The following DEUP1 variants were observed in gnomAD, a reference collection of about 807,000 sequenced individuals.
DEUP1 encodes coiled-coil domain containing 67.
In DEUP1, 82 loss-of-function variants were observed where a neutral mutation model predicts 87.4. The ratio of observed to expected loss-of-function variants is 0.94; its 90% CI spans 0.78 to 1.13. DEUP1 has a LOEUF of 1.13. Among genes scored for constraint, DEUP1 ranks in the 50% most tolerant of loss-of-function variants. The pLI is 0.00. For synonymous variants in DEUP1, 214 were observed against 222.7 expected, an observed-to-expected ratio of 0.96 and a Z score of 0.35; for missense variants, 663 against 681.5, an observed-to-expected ratio of 0.97 and a Z score of 0.30.
At chr11:93,374,402 AT>A (rs2134281616) in intron 7 of DEUP1, among the ~76,000 whole-genome samples, 1 of 152,226 alleles carries the variant, frequency 6.6e-6, no homozygotes, top group African/African-American at 2.4e-5. Flanking sequence ...TAGAATCTTT[AT>A]GGTTTCAGGT....
At chr11:93,433,058 T>C (rs1317649160) in intron 13 of DEUP1, among the ~76,000 whole-genome samples, 3 of 152,234 alleles carry the variant, frequency 2.0e-5, no homozygotes, top group Admixed American at 2.0e-4. Context: ...CAGACCTATA[T>C]TCTGAGTCCT....
chr11:93,370,017 T>C (rs1565312882), intron 5 of DEUP1, 56 bp from the exon 6 acceptor site: 1 of 846,090 alleles, frequency 1.2e-6, no homozygotes, highest in African/African-American at 1.7e-5. Context: ...CCTTATTTGC[T>C]GTACTTTAAA....
At chr11:93,333,606 T>C (rs907165360) in intron 2 of DEUP1, among the ~76,000 whole-genome samples, 6 of 152,216 alleles carry the variant, frequency 3.9e-5, no homozygotes, top group African/African-American at 1.4e-4. Flanking sequence ...TTAGAAGTTC[T>C]AGAACAAAGG....
intron 5 of DEUP1, among the ~76,000 whole-genome samples, chr11:93,368,656 G>T (rs1372293104): frequency 6.6e-6 from 1 of 152,200 alleles, no homozygotes; most frequent in African/African-American, 2.4e-5. Flanking sequence ...AAACCACCAG[G>T]CTGGGCGCAG....
chr11:93,359,431 T>A (rs1945058212), intron 4 of DEUP1, among the ~76,000 whole-genome samples: 1 of 152,152 alleles, frequency 6.6e-6, no homozygotes, highest in South Asian at 2.1e-4. Context: ...ATAGATATAC[T>A]CTTCCCTATC....
In DEUP1 at chr11:93,408,546, G is replaced by A. The variant is rs1947348155; in HGVS notation, c.1523+119G>A. On this transcript the variant is annotated intron_variant, in intron 12 of 13. Transcript: ENST00000298050. The stretch of plus-strand genomic sequence containing the variant: ...TCTTCTGTGGTTTAAAATTTATAAT[G>A]ATAATGCAGTAGATGAGTAGATAAT... 8 of 656,548 alleles carry A rather than the reference G, an allele frequency of 1.2e-5. No individual in the cohort carries two copies. In the South Asian group the frequency reaches 1.9e-4, roughly 15 times the overall value. 40.7% of individuals were successfully genotyped at this position (656,548 alleles called of 1,614,324 possible).
At chr11:93,371,652 G>C (rs1014153586) in intron 7 of DEUP1, among the ~76,000 whole-genome samples, 1 of 152,014 alleles carries the variant, frequency 6.6e-6, no homozygotes, top group Non-Finnish European at 1.5e-5. Context: ...AATCGTGAAG[G>C]GTTCAACAAT....
At chr11:93,420,515 C>T (rs1365551211) in intron 13 of DEUP1, among the ~76,000 whole-genome samples, 6 of 148,828 alleles carry the variant, frequency 4.0e-5, no homozygotes, top group Admixed American at 6.7e-5. Flanking sequence ...GACAGGGATG[C>T]CCTCTCTCAC....
chr11:93,350,704 C>T (rs541599467), intron 2 of DEUP1, among the ~76,000 whole-genome samples: 64 of 152,082 alleles, frequency 4.2e-4, no homozygotes, highest in Non-Finnish European at 7.4e-4. Flanking sequence ...AACCCCAGCA[C>T]TTTGGGAGGC....
chr11:93,428,912 G>C (rs1193240348), intron 13 of DEUP1, among the ~76,000 whole-genome samples: 1 of 152,030 alleles, frequency 6.6e-6, no homozygotes, highest in Non-Finnish European at 1.5e-5. Flanking sequence ...TTTAAATTTA[G>C]CTATTATGGT....
rs559299073 is a variant in DEUP1, at chr11:93,433,017, A to G, written c.1639-4526A>G. ...TTTCAGTCAATCTCATGGCCTTGTC[A>G]TCTATAACTTCCAAGTCTGTCTCTC... is the stretch of plus-strand genomic sequence containing the variant. On this transcript the variant is annotated intron_variant, in intron 13 of 13. Transcript: ENST00000298050. 4.6e-5 allele frequency among the ~76,000 whole-genome samples: 7 copies of G among 152,154 alleles called. No homozygotes were observed. The East Asian group carries it at 1.2e-3, about 25-fold the overall frequency.
intron 8 of DEUP1, among the ~76,000 whole-genome samples, chr11:93,385,949 A>T (rs1946525413): frequency 6.6e-6 from 1 of 151,930 alleles, no homozygotes; most frequent in Admixed American, 6.6e-5. Context: ...TCTACTTGGG[A>T]GGCTGAGCTG....
intron 2 of DEUP1, among the ~76,000 whole-genome samples, chr11:93,347,312 A>T (rs957446551): frequency 8.5e-5 from 13 of 152,086 alleles, no homozygotes; most frequent in African/African-American, 3.1e-4. Flanking sequence ...TATGTGGTGA[A>T]TCACATTTAT....
chr11:93,394,167 T>C (rs774440310), intron 9 of DEUP1, among the ~76,000 whole-genome samples: 4 of 152,212 alleles, frequency 2.6e-5, no homozygotes, highest in African/African-American at 4.8e-5. Flanking sequence ...TGCTTGATAA[T>C]ACTTTCTTTA....
At chr11:93,373,601 A>T (rs1188079812) in intron 7 of DEUP1, among the ~76,000 whole-genome samples, 1 of 110,186 alleles carries the variant, frequency 9.1e-6, no homozygotes, top group Admixed American at 1.0e-4. Context: ...ATACGTATAT[A>T]TATTTATATA....
At chr11:93,375,193 T>G (rs576169561) in intron 7 of DEUP1, among the ~76,000 whole-genome samples, 29 of 152,322 alleles carry the variant, frequency 1.9e-4, no homozygotes, top group African/African-American at 7.0e-4. Context: ...GCTTTTTGGA[T>G]GAATCTTTAG....
intron 4 of DEUP1, among the ~76,000 whole-genome samples, chr11:93,358,780 G>A (rs547317889): frequency 3.3e-5 from 5 of 152,140 alleles, no homozygotes; most frequent in African/African-American, 1.2e-4. Context: ...ATGGTGTTTC[G>A]CCTTGTTGGC....
At chr11:93,355,266 C>A in intron 2 of DEUP1, 105 bp from the exon 3 acceptor site, 2 of 1,030,072 alleles carry the variant, frequency 1.9e-6, no homozygotes, top group South Asian at 1.5e-5. Context: ...AATAATTGAA[C>A]AATTTCAGGA....
chr11:93,399,335 T>A (rs1947044216), intron 11 of DEUP1, among the ~76,000 whole-genome samples: 1 of 152,028 alleles, frequency 6.6e-6, no homozygotes, highest in Non-Finnish European at 1.5e-5. Context: ...GTTTATTTAG[T>A]TTCTCCTAGT....
Sources: allele counts gnomAD v4.1 joint callset (sites outside exome capture counted in the v4.1 genomes callset), GRCh38; gene constraint gnomAD v4.1.1; transcripts MANE v1.5; gene names NCBI Gene and HGNC (gene_info 2026-07-23, HGNC 2026-07-21).